EPHX2: variants seen among roughly 807,000 people sequenced by gnomAD.
EPHX2 encodes epoxide hydrolase 2.
In EPHX2, 74 loss-of-function variants were observed where a neutral mutation model predicts 78.7. The ratio of observed to expected loss-of-function variants is 0.94; its 90% CI spans 0.78 to 1.14. The LOEUF is 1.14. EPHX2 is among the 50% of genes most tolerant of loss of function. The pLI is 0.00. For synonymous variants in EPHX2, 251 were observed against 255.2 expected (o/e 0.98, Z 0.16); for missense variants, 715 against 702.5 (o/e 1.02, Z -0.20).
intron 11 of EPHX2, 112 bp downstream of exon 11, chr8:27,522,620 C>A: frequency 1.9e-6 from 2 of 1,055,838 alleles, no homozygotes; most frequent in Admixed American, 2.1e-5. Flanking sequence ...AGTAGGTAGT[C>A]TGGGAAGGTG....
Position 27,505,150 on chromosome 8 carries a change from C to T in EPHX2, c.537+4C>T, listed in dbSNP as rs771292961. On this transcript the variant is annotated splice_donor_region_variant and intron_variant, in intron 4 of 18. Coordinates refer to ENST00000521400, the MANE Select transcript of EPHX2 (RefSeq NM_001979.6). ...CCTGAAGGCCAGCCCCAGTGAGGTACGGAGACACTTCCTTATGGCAGAGAA... is the reference window on the plus strand; with the variant it reads ...CCTGAAGGCCAGCCCCAGTGAGGTATGGAGACACTTCCTTATGGCAGAGAA... 1.1e-5 allele frequency: 17 copies of T among 1,613,590 alleles called. No individual in the cohort carries two copies. Among genetic ancestry groups the T allele is most frequent in the African/African-American group, 2.7e-5 (2 of 74,884 alleles).
intron 15 of EPHX2, 111 bp downstream of exon 15, chr8:27,540,767 A>T: frequency 1.0e-6 from 1 of 981,982 alleles, no homozygotes. Context: ...AGCCCTCGTT[A>T]GTGCCAGGCC....
At chr8:27,546,973 C>A (rs539469276), downstream of EPHX2, among the ~76,000 whole-genome samples, 9 of 152,208 alleles carry the variant, frequency 5.9e-5, no homozygotes, top group African/African-American at 2.2e-4. Flanking sequence ...GCACATCCTA[C>A]GTGTCTAGAA....
At chr8:27,544,094 C>A in intron 17 of EPHX2, 92 bp from the exon 18 acceptor site, 1 of 1,454,196 alleles carries the variant, frequency 6.9e-7, no homozygotes, top group South Asian at 1.2e-5. Context: ...CTGCGGGGAG[C>A]AGAGAGAAGG....
chr8:27,495,156 CCTGGAGGTTAGG>C (rs1291299603), intron 1 of EPHX2, among the ~76,000 whole-genome samples: 10 of 152,356 alleles, frequency 6.6e-5, no homozygotes, highest in Admixed American at 6.5e-5. Context: ...TGGGGGTTCC[CCTGGAGGTTAGG>C]AACCCCCTTT....
intron 5 of EPHX2, among the ~76,000 whole-genome samples, chr8:27,509,014 A>G (rs1365888318): frequency 7.9e-6 from 1 of 125,914 alleles, no homozygotes; most frequent in Non-Finnish European, 1.5e-5. Flanking sequence ...GCTGCTACCT[A>G]CAGCAGACGT....
At chr8:27,507,216 A>G (rs941086807) in intron 5 of EPHX2, among the ~76,000 whole-genome samples, 3 of 152,172 alleles carry the variant, frequency 2.0e-5, no homozygotes, top group African/African-American at 7.2e-5. Context: ...AAGAATTTAT[A>G]CTAGTGTTAG....
rs182717422 is a variant in EPHX2 at position 27,495,195 on chromosome 8, G to A, written c.101+3886G>A. On this transcript the variant is annotated intron_variant, in intron 1 of 18. Transcript: ENST00000521400. ...ACCCCCTTTCCATATTGCAGCATTG[G>A]GCATGTAGGATTAGATAAGCATACT... Among the ~76,000 whole-genome samples the A allele has an allele frequency of 3.3e-5, 5 of 152,322 alleles. No individual in the cohort carries two copies. The East Asian group carries it at 7.7e-4, about 23-fold the overall frequency.
In EPHX2 at chr8:27,544,520, T is replaced by G; in HGVS notation, c.1666T>G (p.Ter556GluextTer39). The change falls in exon 19 of 19, where the codon TAG (stop) becomes GAG (glutamate). Residue 556 changes from the stop codon to glutamate (E), a stop_lost. Transcript: ENST00000521400. ...ARNPPVVSKM[*>E] is the part of the protein sequence containing the mutation. ...GAACCCACCGGTGGTCTCAAAGATG[T>G]AGAACGCAGCGTGTGCCCACGCTCA... 1 of 1,613,680 alleles carries G rather than the reference T, an allele frequency of 6.2e-7. No homozygotes were observed. The highest frequency in any genetic ancestry group is 8.5e-7 in the Non-Finnish European group (1 of 1,180,014).
At chr8:27,525,242 T>C (rs1814802292) in intron 11 of EPHX2, 120 bp from the exon 12 acceptor site, 1 of 815,864 alleles carries the variant, frequency 1.2e-6, no homozygotes, top group Non-Finnish European at 2.1e-6. Context: ...TGCTAGTGTA[T>C]GACCTTGTGC....
At chr8:27,518,331 T>C (rs72475855) in intron 9 of EPHX2, among the ~76,000 whole-genome samples, 9 of 152,348 alleles carry the variant, frequency 5.9e-5, no homozygotes, top group African/African-American at 2.2e-4. Flanking sequence ...CTGAGGTCAG[T>C]AGCCAGTAGA....
intron 11 of EPHX2, among the ~76,000 whole-genome samples, chr8:27,525,036 A>G (rs142416561): frequency 4.6e-5 from 7 of 150,850 alleles, no homozygotes; most frequent in Admixed American, 2.6e-4. Context: ...TCGTGTCTCC[A>G]TATTCTATCC....
At chr8:27,530,583 C>T (rs1008520012) in intron 12 of EPHX2, among the ~76,000 whole-genome samples, 59 of 151,890 alleles carry the variant, frequency 3.9e-4, no homozygotes, top group African/African-American at 1.4e-3. Flanking sequence ...ATAGATTTAT[C>T]TCATTCTTTT....
intron 12 of EPHX2, among the ~76,000 whole-genome samples, chr8:27,533,788 T>C (rs1201703198): frequency 1.3e-5 from 2 of 152,192 alleles, no homozygotes; most frequent in Non-Finnish European, 2.9e-5. Context: ...TCAGGGTCTC[T>C]ACTGTTGTTC....
At chr8:27,519,355 A>G (rs1814566649) in intron 9 of EPHX2, among the ~76,000 whole-genome samples, 1 of 152,212 alleles carries the variant, frequency 6.6e-6, no homozygotes, top group Admixed American at 6.5e-5. Context: ...TAGCAAAAGA[A>G]GCCAGTTTCT....
chr8:27,537,207 G>C (rs6558005), intron 13 of EPHX2, among the ~76,000 whole-genome samples: 47,995 of 152,076 alleles, frequency 0.32, 11,648 homozygotes, highest in African/African-American at 0.68. Context: ...TCCTGTCTTA[G>C]GTGTTAGGAG....
chr8:27,545,268 G>A lies in EPHX2; in HGVS notation c.*746G>A, dbSNP rs1400445944. ...ATTGTAATCAGTTTAAAGTTAAATA[G>A]CAGCAGCTGCCATGAGGCTCAGGCA... On this transcript the variant is annotated 3_prime_UTR_variant, in exon 19 of 19. Coordinates refer to ENST00000521400, the MANE Select transcript of EPHX2 (RefSeq NM_001979.6). The A allele has an allele frequency of 6.6e-6, 1 of 152,220 alleles. No individual in the cohort carries two copies. The highest frequency in any genetic ancestry group is 1.9e-4 in the East Asian group (1 of 5,194). The allele number at this position is 152,220 out of a possible 1,614,324, so 9.4% of individuals were successfully genotyped here. A position where few individuals can be genotyped will look rare whatever the true frequency, so the allele number is the denominator to read the frequency against.
At position 27,500,419 on chromosome 8, in the gene EPHX2, G is replaced by A. The variant is rs1045330195; in HGVS notation, c.102-507G>A. ...TTCTTTATAAATTACCCGATCTGAG[G>A]TACGTCTTTATAGCAGTGTGAGAAC... On this transcript the variant is annotated intron_variant, in intron 1 of 18. Coordinates refer to ENST00000521400, the MANE Select transcript of EPHX2 (RefSeq NM_001979.6). Among the ~76,000 whole-genome samples the A allele has an allele frequency of 8.5e-5, 13 of 152,110 alleles. 1 individual carries two copies. The highest frequency in any genetic ancestry group is 2.7e-4 in the African/African-American group (11 of 41,398).
At chr8:27,536,918 T>C in intron 13 of EPHX2, 63 bp downstream of exon 13, 2 of 1,553,826 alleles carry the variant, frequency 1.3e-6, no homozygotes. Flanking sequence ...GTAGGGTACC[T>C]AGTGTGTGGC....
Sources: allele counts gnomAD v4.1 joint callset (sites outside exome capture counted in the v4.1 genomes callset), GRCh38; gene constraint gnomAD v4.1.1; transcripts MANE v1.5; gene names NCBI Gene and HGNC (gene_info 2026-07-23, HGNC 2026-07-21).